The following CNIH3 variants were observed in gnomAD, a reference collection of about 807,000 sequenced individuals.
CNIH3 encodes protein cornichon homolog 3.
In CNIH3, 14 loss-of-function variants were observed where a neutral mutation model predicts 24.1. The ratio of observed to expected loss-of-function variants is 0.58; its 90% CI spans 0.38 to 0.91. The LOEUF (loss-of-function observed/expected upper bound fraction) is 0.91. Among genes scored for constraint, CNIH3 ranks in the 40% least tolerant of loss-of-function variants. The probability of loss-of-function intolerance (pLI) is 0.00; values close to 1 mark genes in which losing one functional copy is unlikely to be tolerated. For missense variants in CNIH3, 178 were observed against 196.8 expected, an observed-to-expected ratio of 0.90 and a Z score of 0.57; for synonymous variants, 68 against 73.8, an observed-to-expected ratio of 0.92 and a Z score of 0.40.
chr1:224,511,135 T>C (rs1302396558), upstream of CNIH3, among the ~76,000 whole-genome samples: 3 of 152,180 alleles, frequency 2.0e-5, no homozygotes, highest in Admixed American at 6.5e-5. Flanking sequence ...ACGAGAAGAA[T>C]GGGAGCGGCA....
chr1:224,532,225 C>T (rs1377653855), intron 2 of CNIH3, among the ~76,000 whole-genome samples: 4 of 152,080 alleles, frequency 2.6e-5, no homozygotes, highest in African/African-American at 7.2e-5. Context: ...GACCATTTCC[C>T]GTGCAAAGGC....
chr1:224,447,759 T>C (rs539406439), intron 1 of CNIH3, among the ~76,000 whole-genome samples: 1 of 152,324 alleles, frequency 6.6e-6, no homozygotes, highest in East Asian at 1.9e-4. Flanking sequence ...GTAGTAGAAA[T>C]AATAGCTGGC....
intron 3 of CNIH3, among the ~76,000 whole-genome samples, chr1:224,560,004 A>G (rs966669332): frequency 6.6e-6 from 1 of 152,220 alleles, no homozygotes; most frequent in African/African-American, 2.4e-5. Flanking sequence ...ACTTTATATA[A>G]TCATAGAATA....
At chr1:224,677,574 C>T (rs1686199063) in intron 1 of CNIH3, among the ~76,000 whole-genome samples, 1 of 152,204 alleles carries the variant, frequency 6.6e-6, no homozygotes, top group South Asian at 2.1e-4. Flanking sequence ...AGGCATAAGC[C>T]ACACTTCAGG....
intron 5 of CNIH3, 78 bp downstream of exon 5, chr1:224,734,784 T>C: frequency 6.7e-7 from 1 of 1,501,862 alleles, no homozygotes; most frequent in Middle Eastern, 1.7e-4. Context: ...CTGGGAGGCG[T>C]CCTTTGGGAG....
chr1:224,634,295 A>T (rs1419140263), intron 1 of CNIH3, among the ~76,000 whole-genome samples: 1 of 152,180 alleles, frequency 6.6e-6, no homozygotes, highest in Non-Finnish European at 1.5e-5. Context: ...AAGAATAAGA[A>T]AAAAGAGGCC....
At chr1:224,714,295 A>G (rs961175904) in intron 3 of CNIH3, among the ~76,000 whole-genome samples, 1 of 152,188 alleles carries the variant, frequency 6.6e-6, no homozygotes, top group Non-Finnish European at 1.5e-5. Context: ...TCACAAAAAC[A>G]TATTCCTTTG....
chr1:224,560,932 G>T (rs1005332844), intron 3 of CNIH3, among the ~76,000 whole-genome samples: 1 of 147,808 alleles, frequency 6.8e-6, no homozygotes, highest in African/African-American at 2.5e-5. Flanking sequence ...CCATTCAGGT[G>T]TCTGTTGAAT....
At chr1:224,446,054 A>G (rs1204904937) in intron 1 of CNIH3, among the ~76,000 whole-genome samples, 1 of 152,106 alleles carries the variant, frequency 6.6e-6, no homozygotes, top group African/African-American at 2.4e-5. Context: ...AGAGCACTGT[A>G]TATGTGTGGG....
At chr1:224,435,014 C>A (rs949231170) in intron 1 of CNIH3, 26 of 985,464 alleles carry the variant, frequency 2.6e-5, no homozygotes, top group Non-Finnish European at 1.2e-5. Context: ...CCCGCTCGGG[C>A]CTTTCCCCTT....
chr1:224,492,989 G>C (rs1344418317), intron 1 of CNIH3, among the ~76,000 whole-genome samples: 1 of 152,184 alleles, frequency 6.6e-6, no homozygotes, highest in African/African-American at 2.4e-5. Flanking sequence ...TATCAGAATG[G>C]AGGACAGTGA....
chr1:224,671,451 A>G (rs1277420984), intron 1 of CNIH3, among the ~76,000 whole-genome samples: 1 of 152,212 alleles, frequency 6.6e-6, no homozygotes, highest in Non-Finnish European at 1.5e-5. Context: ...GGATGCATTA[A>G]TAAAGGTTCC....
intron 3 of CNIH3, among the ~76,000 whole-genome samples, chr1:224,557,094 T>G (rs922281671): frequency 1.3e-5 from 2 of 152,178 alleles, no homozygotes; most frequent in African/African-American, 4.8e-5. Flanking sequence ...CAGTCTGGAA[T>G]GTACTGGTGC....
upstream of CNIH3, chr1:224,616,107 T>G (rs1682956750): frequency 6.4e-6 from 1 of 155,820 alleles, no homozygotes; most frequent in African/African-American, 2.4e-5. Context: ...CTTGTACTGC[T>G]GGCTTCAAGT....
At position 224,739,781 on chromosome 1, in the gene CNIH3, A is replaced by C. The variant is rs1689781783; in HGVS notation, c.*425A>C. 1 of 183,974 alleles carries C rather than the reference A, an allele frequency of 5.4e-6. No homozygotes were observed. The highest frequency in any genetic ancestry group is 2.4e-5 in the African/African-American group (1 of 42,166). 11.4% of individuals were successfully genotyped at this position (183,974 alleles called of 1,614,324 possible). ...TAAGGAACAGAATGACCCAGAGTCAAGGCCAAGTCTGCAGGGACCTGTTGA... is the reference window on the plus strand; with the variant it reads ...TAAGGAACAGAATGACCCAGAGTCACGGCCAAGTCTGCAGGGACCTGTTGA... On this transcript the variant is annotated 3_prime_UTR_variant, in exon 6 of 6. Coordinates refer to ENST00000272133, the MANE Select transcript of CNIH3 (RefSeq NM_152495.2).
At chr1:224,563,457 C>CGG (rs1340297947) in intron 3 of CNIH3, among the ~76,000 whole-genome samples, 12 of 108,034 alleles carry the variant, frequency 1.1e-4, no homozygotes, top group East Asian at 8.9e-4. Context: ...ATATTTTAGA[C>CGG]GGGGTGTGTG....
At chr1:224,589,054 T>C (rs1195256704), downstream of CNIH3, among the ~76,000 whole-genome samples, 2 of 149,530 alleles carry the variant, frequency 1.3e-5, no homozygotes, top group Non-Finnish European at 3.0e-5. Flanking sequence ...TTGAGGAGTC[T>C]GAGCTCTGGA....
At chr1:224,524,306 A>G (rs1678760625) in intron 2 of CNIH3, among the ~76,000 whole-genome samples, 1 of 152,190 alleles carries the variant, frequency 6.6e-6, no homozygotes, top group Non-Finnish European at 1.5e-5. Flanking sequence ...GTTCTTGTCC[A>G]ACAGACCATG....
chr1:224,471,371 C>A (rs1188646064), intron 1 of CNIH3, among the ~76,000 whole-genome samples: 1 of 152,062 alleles, frequency 6.6e-6, no homozygotes, highest in Non-Finnish European at 1.5e-5. Context: ...TTTTTGTACC[C>A]ATTAACCATC....
Sources: gnomAD v4.1 joint callset for allele counts (sites outside exome capture counted in the v4.1 genomes callset) on GRCh38, gnomAD v4.1.1 for gene constraint, MANE v1.5 for transcripts, NCBI Gene and HGNC (gene_info 2026-07-23, HGNC 2026-07-21) for gene names.